RALGAPA2: variants seen among roughly 807,000 people sequenced by gnomAD.
RALGAPA2 encodes ral GTPase-activating protein subunit alpha-2.
A neutral mutation model predicts 230.4 loss-of-function variants in RALGAPA2; 139 were observed. The ratio of observed to expected loss-of-function variants is 0.60; its 90% CI spans 0.53 to 0.69. The LOEUF is 0.69. RALGAPA2 is among the 30% of genes least tolerant of loss of function. The pLI, the probability that RALGAPA2 is intolerant of heterozygous loss-of-function variation, is 0.00. For synonymous variants in RALGAPA2, 847 were observed against 837.8 expected, an observed-to-expected ratio of 1.01 and a Z score of -0.19; for missense variants, 2,163 against 2,276.0, an observed-to-expected ratio of 0.95 and a Z score of 1.01.
In RALGAPA2 at chr20:20,511,287, A is replaced by C; in HGVS notation, c.4895T>G (p.Leu1632Trp). ...FHLLKKNSKLLRELKNLDSRQ... is the reference protein window; with the variant it reads ...FHLLKKNSKLWRELKNLDSRQ... Reference sequence around the variant, plus strand: ...GGAGTCCAAATTTTTCAGCTCTCTCAATAATTTTGAATTTTTCTTCAATAG... The same window carrying C: ...GGAGTCCAAATTTTTCAGCTCTCTCCATAATTTTGAATTTTTCTTCAATAG... The change falls in exon 33 of 40, where the codon TTG becomes TGG. Residue 1632 changes from leucine (L) to tryptophan (W), a missense_variant. Coordinates refer to ENST00000202677, the MANE Select transcript of RALGAPA2 (RefSeq NM_020343.4). The C allele has an allele frequency of 6.4e-7, 1 of 1,566,904 alleles. No homozygotes were observed. The highest frequency in any genetic ancestry group is 8.7e-7 in the Non-Finnish European group (1 of 1,154,864).
chr20:20,685,789 A>G (rs756237656), intron 1 of RALGAPA2, among the ~76,000 whole-genome samples: 1 of 152,094 alleles, frequency 6.6e-6, no homozygotes, highest in Non-Finnish European at 1.5e-5. Context: ...GGCTGTAGGG[A>G]AAAGGGAGGG....
intron 39 of RALGAPA2, among the ~76,000 whole-genome samples, chr20:20,393,837 C>T (rs1467060072): frequency 6.6e-6 from 1 of 152,180 alleles, no homozygotes; most frequent in African/African-American, 2.4e-5. Flanking sequence ...ACATCTGCAC[C>T]CCCCGCTTCC....
chr20:20,624,263 G>A (rs1261865811), intron 10 of RALGAPA2, among the ~76,000 whole-genome samples: 6 of 147,906 alleles, frequency 4.1e-5, no homozygotes, highest in Non-Finnish European at 7.4e-5. Flanking sequence ...GGAGGTGGAG[G>A]TTGCAATGAG....
intron 36 of RALGAPA2, among the ~76,000 whole-genome samples, chr20:20,485,710 A>AT (rs1369445245): frequency 1.3e-5 from 2 of 152,220 alleles, no homozygotes; most frequent in Non-Finnish European, 2.9e-5. Context: ...GAAGTTCCTT[A>AT]TAAGAGAGTA....
At chr20:20,644,220 C>G (rs1853117625) in intron 4 of RALGAPA2, among the ~76,000 whole-genome samples, 1 of 151,918 alleles carries the variant, frequency 6.6e-6, no homozygotes, top group Admixed American at 6.6e-5. Context: ...ATCTTAACCT[C>G]AAAAAAGGAG....
At chr20:20,586,221 G>A (rs1270383714) in intron 18 of RALGAPA2, among the ~76,000 whole-genome samples, 2 of 152,260 alleles carry the variant, frequency 1.3e-5, no homozygotes, top group South Asian at 4.1e-4. Context: ...AAACTTCCAA[G>A]AAATCTACCT....
At chr20:20,405,099 C>T (rs1368469130) in intron 38 of RALGAPA2, among the ~76,000 whole-genome samples, 1 of 152,188 alleles carries the variant, frequency 6.6e-6, no homozygotes, top group Non-Finnish European at 1.5e-5. Flanking sequence ...AAGTTCCAAA[C>T]CAACTGGCAG....
chr20:20,643,557 T>C lies in RALGAPA2; in HGVS notation c.329-8A>G, dbSNP rs1374044122. 1 of 1,462,134 alleles carries C rather than the reference T, an allele frequency of 6.8e-7. No individual in the cohort carries two copies. Among genetic ancestry groups the C allele is most frequent in the African/African-American group, 1.4e-5 (1 of 70,550 alleles). 90.6% of individuals were successfully genotyped at this position (1,462,134 alleles called of 1,614,324 possible). A position where few individuals can be genotyped will look rare whatever the true frequency, so the allele number is the denominator to read the frequency against. On this transcript the variant is annotated splice_region_variant and splice_polypyrimidine_tract_variant and intron_variant, in intron 4 of 39. Transcript: ENST00000202677. ...GCTTCTTTAAAGTTGAGCCTGAAAG[T>C]TTAAAATAATGAATTATAAATAGAG... is the stretch of plus-strand genomic sequence containing the variant.
intron 34 of RALGAPA2, 28 bp downstream of exon 34, chr20:20,505,383 T>C: frequency 6.3e-7 from 1 of 1,578,016 alleles, no homozygotes; most frequent in Non-Finnish European, 8.6e-7. Context: ...TGCTGGTCAA[T>C]AAACACCTAC....
chr20:20,630,529 A>G (rs2066637463), intron 9 of RALGAPA2, among the ~76,000 whole-genome samples: 1 of 152,218 alleles, frequency 6.6e-6, no homozygotes, highest in Admixed American at 6.5e-5. Context: ...TTCATGCCTT[A>G]GTTACTAAGC....
At position 20,568,049 on chromosome 20, in the gene RALGAPA2, A is replaced by G. The variant is rs116113411; in HGVS notation, c.3156+3409T>C. Among the ~76,000 whole-genome samples, 1,224 of 152,056 alleles carry G rather than the reference A, an allele frequency of 8.0e-3. 18 individuals are homozygous for G. The highest frequency in any genetic ancestry group is 0.028 in the African/African-American group (1,165 of 41,506). On this transcript the variant is annotated intron_variant, in intron 23 of 39. Coordinates refer to ENST00000202677, the MANE Select transcript of RALGAPA2 (RefSeq NM_020343.4). Reference sequence around the variant, plus strand: ...TACTCCTAAGCACCATCACCAGCCCACCCTCAGACACAAAGCAGCTGAGCA... The same window carrying G: ...TACTCCTAAGCACCATCACCAGCCCGCCCTCAGACACAAAGCAGCTGAGCA...
intron 23 of RALGAPA2, among the ~76,000 whole-genome samples, chr20:20,556,871 A>C (rs988190090): frequency 1.3e-5 from 2 of 152,142 alleles, no homozygotes; most frequent in African/African-American, 4.8e-5. Flanking sequence ...GAGGATACTA[A>C]AATATTTTTC....
intron 39 of RALGAPA2, among the ~76,000 whole-genome samples, chr20:20,394,889 C>CAAAAAAAAAAAAAAAA (rs10673778): frequency 9.0e-5 from 4 of 44,634 alleles, no homozygotes; most frequent in East Asian, 7.7e-4. Context: ...AATAAATAAG[C>CAAAAAAAAAAAAAAAA]AAAAAAAAAA....
At chr20:20,616,906 G>A (rs2146322880) in intron 12 of RALGAPA2, among the ~76,000 whole-genome samples, 1 of 152,282 alleles carries the variant, frequency 6.6e-6, no homozygotes, top group Admixed American at 6.5e-5. Context: ...CAGACCTTTA[G>A]CATACAAGTT....
At chr20:20,396,488 C>A (rs1278354496) in intron 39 of RALGAPA2, among the ~76,000 whole-genome samples, 1 of 152,226 alleles carries the variant, frequency 6.6e-6, no homozygotes, top group Admixed American at 6.5e-5. Context: ...CCCGAGTGCA[C>A]GGGCAGAAGA....
intron 37 of RALGAPA2, among the ~76,000 whole-genome samples, chr20:20,444,342 C>T (rs775935914): frequency 9.2e-5 from 14 of 152,212 alleles, no homozygotes; most frequent in Non-Finnish European, 1.6e-4. Context: ...TGCAAAGGCA[C>T]GCTGTGTGTC....
chr20:20,708,935 A>C (rs1360555934), intron 1 of RALGAPA2, among the ~76,000 whole-genome samples: 1 of 151,158 alleles, frequency 6.6e-6, no homozygotes, highest in East Asian at 1.9e-4. Flanking sequence ...TAAGCCCAGC[A>C]CTTTGGGAGG....
chr20:20,494,565 T>C (rs954793423), intron 36 of RALGAPA2, among the ~76,000 whole-genome samples: 1 of 152,340 alleles, frequency 6.6e-6, no homozygotes, highest in East Asian at 1.9e-4. Flanking sequence ...CATGGCTGAA[T>C]TGATTCTGCA....
At chr20:20,395,068 G>T (rs567366632) in intron 39 of RALGAPA2, among the ~76,000 whole-genome samples, 1 of 152,332 alleles carries the variant, frequency 6.6e-6, no homozygotes, top group South Asian at 2.1e-4. Context: ...TCCTGCAGAT[G>T]GACAGAGGAA....
Sources: gnomAD v4.1 joint callset for allele counts (sites outside exome capture counted in the v4.1 genomes callset) on GRCh38, gnomAD v4.1.1 for gene constraint, MANE v1.5 for transcripts, NCBI Gene and HGNC (gene_info 2026-07-23, HGNC 2026-07-21) for gene names.